CRISPLD2: variants seen among roughly 807,000 people sequenced by gnomAD.
The protein encoded by CRISPLD2 is cysteine rich secretory protein LCCL domain containing 2.
A neutral mutation model predicts 71.1 loss-of-function variants in CRISPLD2; 47 were observed. That is an observed-to-expected ratio of 0.66 (90% CI 0.52 to 0.84). CRISPLD2 has a LOEUF of 0.84. Ranked by LOEUF, CRISPLD2 falls within the 40% of genes least tolerant of loss-of-function variation. CRISPLD2 has a pLI of 0.00. For missense variants in CRISPLD2, 830 were observed against 651.1 expected, an observed-to-expected ratio of 1.27 and a Z score of -2.99; for synonymous variants, 317 against 250.1, an observed-to-expected ratio of 1.27 and a Z score of -2.52.
intron 1 of CRISPLD2, among the ~76,000 whole-genome samples, chr16:84,824,557 A>G (rs143553085): frequency 2.4e-4 from 37 of 152,242 alleles, no homozygotes; most frequent in Non-Finnish European, 5.0e-4. Context: ...CACAGGTGGA[A>G]TTGTCCCTAT....
intron 14 of CRISPLD2, among the ~76,000 whole-genome samples, chr16:84,896,637 G>C (rs2071708891): frequency 6.6e-6 from 1 of 152,136 alleles, no homozygotes; most frequent in African/African-American, 2.4e-5. Context: ...GGTAGGCGAG[G>C]CTGAGCTGTG....
rs1316435223 is a variant in CRISPLD2 at position 84,908,149 on chromosome 16, T to C, written c.*1507T>C. On this transcript the variant is annotated 3_prime_UTR_variant, in exon 15 of 15. Transcript: ENST00000262424. ...CTAGGTGATGCCTTCTTTCTTTGAT[T>C]GCCTTTCTAATAAATGCAGAATCTG... 4 of 152,244 alleles carry C rather than the reference T, an allele frequency of 2.6e-5. No homozygotes were observed. Among genetic ancestry groups the C allele is most frequent in the African/African-American group, 4.8e-5 (2 of 41,454 alleles). 9.4% of individuals were successfully genotyped at this position (152,244 alleles called of 1,614,324 possible).
At chr16:84,844,119 C>T (rs1916847748) in intron 2 of CRISPLD2, among the ~76,000 whole-genome samples, 2 of 152,238 alleles carry the variant, frequency 1.3e-5, no homozygotes, top group South Asian at 4.1e-4. Flanking sequence ...CAGCTGCCAG[C>T]TGTGCCAGGG....
chr16:84,903,215 G>T lies in CRISPLD2; in HGVS notation c.1440-3373G>T, dbSNP rs149730881. On this transcript the variant is annotated intron_variant, in intron 14 of 14. Coordinates refer to ENST00000262424, the MANE Select transcript of CRISPLD2 (RefSeq NM_031476.4). ...ATGCTCCCCTCCTCCCACCTTCCGGGTCTCCTCTCCAGCCTGGCCCCTTCC... is the reference window on the plus strand; with the variant it reads ...ATGCTCCCCTCCTCCCACCTTCCGGTTCTCCTCTCCAGCCTGGCCCCTTCC... 9.3e-3 allele frequency among the ~76,000 whole-genome samples: 1,410 copies of T among 152,164 alleles called. 11 individuals are homozygous for T. Among genetic ancestry groups the T allele is most frequent in the South Asian group, 0.035 (170 of 4,820 alleles).
intron 8 of CRISPLD2, among the ~76,000 whole-genome samples, chr16:84,870,840 C>G (rs975584688): frequency 3.3e-5 from 5 of 151,964 alleles, no homozygotes; most frequent in Non-Finnish European, 7.4e-5. Context: ...GGGTGGATCA[C>G]TTAAGGCCAA....
At chr16:84,882,362 A>G (rs981141124) in intron 13 of CRISPLD2, among the ~76,000 whole-genome samples, 3 of 149,052 alleles carry the variant, frequency 2.0e-5, no homozygotes, top group Non-Finnish European at 3.0e-5. Flanking sequence ...AAAAAAAAAA[A>G]AAAAAAAAAG....
chr16:84,841,520 T>C (rs1916769808), intron 2 of CRISPLD2, among the ~76,000 whole-genome samples: 1 of 151,580 alleles, frequency 6.6e-6, no homozygotes, highest in African/African-American at 2.4e-5. Flanking sequence ...AGAGTTTTGG[T>C]ATTGCTGAAA....
intron 14 of CRISPLD2, among the ~76,000 whole-genome samples, chr16:84,905,165 G>A (rs1431760567): frequency 6.6e-6 from 1 of 152,108 alleles, no homozygotes; most frequent in Non-Finnish European, 1.5e-5. Context: ...TGCTCAGGAG[G>A]CTGAGGAGGG....
At chr16:84,854,942 A>C in intron 6 of CRISPLD2, 113 bp downstream of exon 6, 1 of 794,968 alleles carries the variant, frequency 1.3e-6, no homozygotes, top group Non-Finnish European at 2.2e-6. Context: ...TCCTGGCCCT[A>C]TTTAAGACGC....
intron 6 of CRISPLD2, among the ~76,000 whole-genome samples, chr16:84,862,581 T>C (rs1186065078): frequency 2.0e-5 from 3 of 152,018 alleles, no homozygotes; most frequent in Non-Finnish European, 4.4e-5. Flanking sequence ...GCGTTTCTCA[T>C]GTCTTGGGAT....
At chr16:84,899,289 C>G (rs1227836869) in intron 14 of CRISPLD2, among the ~76,000 whole-genome samples, 1 of 152,094 alleles carries the variant, frequency 6.6e-6, no homozygotes, top group Non-Finnish European at 1.5e-5. Flanking sequence ...ATGAAAATTA[C>G]CCAGAAATAC....
intron 2 of CRISPLD2, among the ~76,000 whole-genome samples, chr16:84,842,930 C>A (rs901686118): frequency 6.6e-6 from 1 of 152,182 alleles, no homozygotes; most frequent in Admixed American, 6.5e-5. Context: ...ATGCTTCCCG[C>A]CTCCCGGTCT....
intron 14 of CRISPLD2, among the ~76,000 whole-genome samples, chr16:84,902,293 C>T (rs945853066): frequency 6.6e-6 from 1 of 151,966 alleles, no homozygotes. Context: ...TTAGAGTCAG[C>T]AAAGGCTGCA....
intron 14 of CRISPLD2, among the ~76,000 whole-genome samples, chr16:84,896,537 A>G (rs2071708143): frequency 6.6e-6 from 1 of 152,182 alleles, no homozygotes; most frequent in African/African-American, 2.4e-5. Context: ...TTGATTGAAA[A>G]TTCTTTATAC....
chr16:84,845,619 G>A (rs575706525), intron 2 of CRISPLD2, among the ~76,000 whole-genome samples, 167 bp from the exon 3 acceptor site: 7 of 152,362 alleles, frequency 4.6e-5, no homozygotes, highest in Non-Finnish European at 7.3e-5. Flanking sequence ...GAGCCGGCAC[G>A]TCTGGCCTGC....
intron 13 of CRISPLD2, among the ~76,000 whole-genome samples, chr16:84,888,989 C>T (rs1402191844): frequency 6.6e-6 from 1 of 152,204 alleles, no homozygotes; most frequent in South Asian, 2.1e-4. Context: ...GTTCCTAATT[C>T]CGTGCCTGGC....
intron 1 of CRISPLD2, among the ~76,000 whole-genome samples, chr16:84,830,921 T>C (rs1916472720): frequency 6.6e-6 from 1 of 152,132 alleles, no homozygotes; most frequent in Non-Finnish European, 1.5e-5. Flanking sequence ...TTGCTTGAAG[T>C]TGGCCATGGT....
At chr16:84,866,825 T>C in intron 6 of CRISPLD2, 72 bp from the exon 7 acceptor site, 1 of 1,442,220 alleles carries the variant, frequency 6.9e-7, no homozygotes, top group Non-Finnish European at 9.6e-7. Context: ...TTCAAATTGC[T>C]TTTTTTTCCC....
At chr16:84,846,814 G>A (rs1916927203) in intron 3 of CRISPLD2, among the ~76,000 whole-genome samples, 1 of 152,154 alleles carries the variant, frequency 6.6e-6, no homozygotes, top group African/African-American at 2.4e-5. Context: ...CTGTCTGGGA[G>A]CGATTTGTCC....
Sources: gnomAD v4.1 joint callset for allele counts (sites outside exome capture counted in the v4.1 genomes callset) on GRCh38, gnomAD v4.1.1 for gene constraint, MANE v1.5 for transcripts, NCBI Gene and HGNC (gene_info 2026-07-23, HGNC 2026-07-21) for gene names.